CHADL: variants seen among roughly 807,000 people sequenced by gnomAD.
CHADL encodes the protein chondroadherin-like protein.
A neutral mutation model predicts 52.1 loss-of-function variants in CHADL; 48 were observed. That is an observed-to-expected ratio of 0.92 (90% CI 0.73 to 1.17). The LOEUF is 1.17. Among genes scored for constraint, CHADL ranks in the 50% most tolerant of loss-of-function variants. The pLI is 0.00. For synonymous variants in CHADL, 498 were observed against 511.2 expected, an observed-to-expected ratio of 0.97 and a Z score of 0.35; for missense variants, 977 against 1,035.1, an observed-to-expected ratio of 0.94 and a Z score of 0.77.
rs990843150 is a variant in CHADL, at chr22:41,237,595, G to A, written c.1477C>T (p.Leu493Phe). ...NQLAGLSAAALEGAPRLGYLY... is the reference protein window; with the variant it reads ...NQLAGLSAAAFEGAPRLGYLY... ...TAGCCGAGGCGGGGAGCCCCTTCAA[G>A]GGCAGCAGCGCTGAGGCCTGCGAGC... Residue 493 changes from leucine (L) to phenylalanine (F), a missense_variant, in exon 3 of 6, where the codon CTT (leucine) becomes TTT (phenylalanine). By Grantham distance (22) the Leu-to-Phe change is conservative. Coordinates refer to ENST00000216241, the MANE Select transcript of CHADL (RefSeq NM_138481.2). The A allele has an allele frequency of 6.4e-7, 1 of 1,550,514 alleles. No individual in the cohort carries two copies. Among genetic ancestry groups the A allele is most frequent in the African/African-American group, 1.4e-5 (1 of 73,196 alleles).
intron 4 of CHADL, 137 bp downstream of exon 4, chr22:41,236,347 C>A: frequency 2.8e-6 from 2 of 714,604 alleles, no homozygotes; most frequent in South Asian, 1.9e-5. Flanking sequence ...CTTATACATG[C>A]CTGGCTCTCA....
At chr22:41,234,239 A>G (rs2032692035) in intron 5 of CHADL, among the ~76,000 whole-genome samples, 1 of 152,208 alleles carries the variant, frequency 6.6e-6, no homozygotes, top group Admixed American at 6.5e-5. Context: ...CATCTGGACC[A>G]GCACAGTGTG....
In CHADL at chr22:41,237,804, A is replaced by T; in HGVS notation, c.1268T>A (p.Phe423Tyr). The T allele has an allele frequency of 2.0e-6, 3 of 1,489,244 alleles. No homozygotes were observed. The East Asian group carries it at 7.7e-5, about 38-fold the overall frequency. The allele number at this position is 1,489,244 out of a possible 1,614,324, so 92.3% of individuals were successfully genotyped here. A position where few individuals can be genotyped will look rare whatever the true frequency, so the allele number is the denominator to read the frequency against. ...GTCCAGGAGCTGGGTGTCGCTGGGGAAGCCGCGGGGCACCGCCTGCAGGCC... is the reference window on the plus strand; with the variant it reads ...GTCCAGGAGCTGGGTGTCGCTGGGGTAGCCGCGGGGCACCGCCTGCAGGCC... ...GCGLQAVPRG[F>Y]PSDTQLLDLR... is the part of the protein sequence containing the mutation. Residue 423 changes from phenylalanine (F) to tyrosine (Y), a missense_variant, in exon 3 of 6, where the codon TTC (phenylalanine) becomes TAC (tyrosine). Phe to Tyr is a conservative substitution (Grantham distance 22). Transcript: ENST00000216241.
intron 5 of CHADL, among the ~76,000 whole-genome samples, chr22:41,233,516 T>A (rs1366810066): frequency 6.6e-6 from 1 of 151,880 alleles, no homozygotes; most frequent in Non-Finnish European, 1.5e-5. Flanking sequence ...AGAGGGAAGA[T>A]GATGATACAC....
chr22:41,230,079 G>GCCCCCC, intron 5 of CHADL: 1 of 532,754 alleles, frequency 1.9e-6, no homozygotes, highest in Non-Finnish European at 2.9e-6. Context: ...CAGCTCCTCC[G>GCCCCCC]CCCCCACCCC....
At chr22:41,235,427 G>C in intron 4 of CHADL, 84 bp from the exon 5 acceptor site, 1 of 1,128,844 alleles carries the variant, frequency 8.9e-7, no homozygotes. Flanking sequence ...GTGTGGGGCA[G>C]GGTTGGTGCA....
chr22:41,229,822 G>A (rs1239755092), intron 5 of CHADL, 92 bp from the exon 6 acceptor site: 4 of 1,170,704 alleles, frequency 3.4e-6, no homozygotes, highest in South Asian at 2.6e-5. Flanking sequence ...TCCCAGACAC[G>A]CCCCCAACTG....
chr22:41,234,967 G>A (rs1200876673), intron 5 of CHADL, among the ~76,000 whole-genome samples, 178 bp downstream of exon 5: 1 of 152,230 alleles, frequency 6.6e-6, no homozygotes, highest in East Asian at 1.9e-4. Flanking sequence ...GGGATTACAG[G>A]CGTGAGCCAC....
At chr22:41,235,482 C>T (rs1000070747) in intron 4 of CHADL, 139 bp from the exon 5 acceptor site, 1 of 686,058 alleles carries the variant, frequency 1.5e-6, no homozygotes, top group Non-Finnish European at 2.4e-6. Flanking sequence ...ATTCGCTCAA[C>T]AAGCATTTGC....
Position 41,239,573 on chromosome 22 carries a change from A to C in CHADL, c.56T>G (p.Leu19Arg). The C allele has an allele frequency of 6.5e-7, 1 of 1,547,378 alleles. No homozygotes were observed. Among genetic ancestry groups the C allele is most frequent in the Non-Finnish European group, 8.7e-7 (1 of 1,145,346 alleles). ...HVPLVLPLLV[L>R]LLLAPARQAA... ...CTGCCTAGCCGGGGCCAGCAGCAGA[A>C]GTACAAGAAGCGGCAGCACCAAGGG... Residue 19 changes from leucine to arginine, a missense_variant, in exon 2 of 6, where the codon CTT becomes CGT. Coordinates refer to ENST00000216241, the MANE Select transcript of CHADL (RefSeq NM_138481.2).
intron 5 of CHADL, among the ~76,000 whole-genome samples, chr22:41,234,483 G>T (rs1057202220): frequency 2.6e-5 from 4 of 151,698 alleles, no homozygotes; most frequent in African/African-American, 9.7e-5. Flanking sequence ...CCGGGTTCAA[G>T]CGATTCTCCC....
Position 41,238,023 on chromosome 22 carries a change from AG to A in CHADL, c.1048del (p.Leu350CysfsTer83). 7.8e-7 allele frequency: 1 copy of A among 1,283,256 alleles called. No individual in the cohort carries two copies. Among genetic ancestry groups the A allele is most frequent in the Non-Finnish European group, 9.8e-7 (1 of 1,021,604 alleles). The allele number at this position is 1,283,256 out of a possible 1,614,324, so 79.5% of individuals were successfully genotyped here. A position where few individuals can be genotyped will look rare whatever the true frequency, so the allele number is the denominator to read the frequency against. On this transcript the variant is annotated frameshift_variant, in exon 3 of 6. Transcript: ENST00000216241. LOFTEE classifies it high-confidence loss of function. This position sits in a 1 kb window ranked among gnomAD's most constrained non-coding sequence, Gnocchi z 4.9. ...AGGGCAGCGCAGGTCCCAGGGCCGC[AG>A]GGCGTCCAGAGCCTCGCCCCGCAGG... ...RRLRGEALDA[L>X]RPWDLRCPGD...
At position 41,235,358 on chromosome 22, in the gene CHADL, G is replaced by A; in HGVS notation, c.2064-15C>T. The A allele has an allele frequency of 3.2e-6, 5 of 1,547,538 alleles. No homozygotes were observed. The highest frequency in any genetic ancestry group is 4.4e-6 in the Non-Finnish European group (5 of 1,145,124). ...CAGTAAGCCACCTGAAGAGAAAAGA[G>A]AGCTGGGGAGCTAGCTGTGCTGATT... On this transcript the variant is annotated splice_polypyrimidine_tract_variant and intron_variant, in intron 4 of 5. Coordinates refer to ENST00000216241, the MANE Select transcript of CHADL (RefSeq NM_138481.2).
In CHADL at chr22:41,234,842, C is replaced by T. The variant is rs564080010; in HGVS notation, c.2262+303G>A. 3.9e-5 allele frequency among the ~76,000 whole-genome samples: 6 copies of T among 152,316 alleles called. 1 individual carries two copies. The highest frequency in any genetic ancestry group is 4.1e-4 in the South Asian group (2 of 4,828). On this transcript the variant is annotated intron_variant, in intron 5 of 5. Coordinates refer to ENST00000216241, the MANE Select transcript of CHADL (RefSeq NM_138481.2). ...TGCTGGGATTACAGGCGTGAGCCAA[C>T]GCACCCAGCCATAGTTTTTGTATTT...
At chr22:41,232,245 T>C (rs13433544) in intron 5 of CHADL, among the ~76,000 whole-genome samples, 209 of 150,568 alleles carry the variant, frequency 1.4e-3, no homozygotes, top group African/African-American at 4.8e-3. Context: ...GGCAGGAGAA[T>C]CACTTGAACC....
At position 41,233,892 on chromosome 22, in the gene CHADL, C is replaced by T. The variant is rs553145463; in HGVS notation, c.2262+1253G>A. Among the ~76,000 whole-genome samples the T allele has an allele frequency of 2.1e-3, 313 of 152,324 alleles. 3 individuals are homozygous for T. The South Asian group carries it at 0.03, about 15-fold the overall frequency. On this transcript the variant is annotated intron_variant, in intron 5 of 5. Transcript: ENST00000216241. ...ATTCTCACTTTCCCTGGAAGAACTT[C>T]CTCTCCCTTTTGGACACCTCCGTGG...
In CHADL at chr22:41,238,587, G is replaced by A. The variant is rs1417433767; in HGVS notation, c.485C>T (p.Thr162Met). Residue 162 changes from threonine (T) to methionine (M), a missense_variant, in exon 3 of 6, where the codon ACG (threonine) becomes ATG (methionine). Coordinates refer to ENST00000216241, the MANE Select transcript of CHADL (RefSeq NM_138481.2). This position sits in a 1 kb window ranked among gnomAD's most constrained non-coding sequence, Gnocchi z 4.9. ...GTFGALGALA[T>M]LNLAHNALVY... is the part of the protein sequence containing the mutation. ...CAGGGCGTTGTGGGCCAGGTTTAGC[G>A]TGGCCAGCGCACCCAGTGCCCCGAA... 1.9e-6 allele frequency: 3 copies of A among 1,545,698 alleles called. No homozygotes were observed. Among genetic ancestry groups the A allele is most frequent in the East Asian group, 2.4e-5 (1 of 40,886 alleles).
Position 41,237,236 on chromosome 22 carries a change from G to A in CHADL, c.1836C>T (p.Ala612=). 1 of 1,550,436 alleles carries A rather than the reference G, an allele frequency of 6.4e-7. No individual in the cohort carries two copies. ...GCAGCGACCTGCCCACAGGCTGGAA[G>A]GCTCCGTCACGCAAGGCCCTGAGTG... The part of the protein sequence containing the change: ...GNPLRALRDG[A]FQPVGRSLQH... The change falls in exon 3 of 6, where the codon GCC becomes GCT. Residue 612 remains alanine (A), a synonymous_variant. Coordinates refer to ENST00000216241, the MANE Select transcript of CHADL (RefSeq NM_138481.2).
chr22:41,235,904 C>A (rs1288238445), intron 4 of CHADL, among the ~76,000 whole-genome samples: 18 of 152,090 alleles, frequency 1.2e-4, no homozygotes, highest in Non-Finnish European at 1.9e-4. Context: ...TGGAGTCTCA[C>A]TCTGTCGCCC....
Sources: allele counts gnomAD v4.1 joint callset (sites outside exome capture counted in the v4.1 genomes callset), GRCh38; gene constraint gnomAD v4.1.1; non-coding constraint Gnocchi (gnomAD v3.1); transcripts MANE v1.5; gene names NCBI Gene and HGNC (gene_info 2026-07-23, HGNC 2026-07-21).